Variants in USP6NL observed in about 807,000 individuals in gnomAD.
The protein encoded by USP6NL is USP6 N-terminal-like protein.
In USP6NL, 26 loss-of-function variants were observed where a neutral mutation model predicts 61.9. The observed-to-expected ratio is 0.42, with a 90% CI of 0.31 to 0.58. USP6NL has a LOEUF of 0.58. Ranked by LOEUF, USP6NL falls within the 20% of genes least tolerant of loss-of-function variation. The pLI, the probability that USP6NL is intolerant of heterozygous loss-of-function variation, is 0.16. For synonymous variants in USP6NL, 432 were observed against 390.1 expected, an observed-to-expected ratio of 1.11 and a Z score of -1.27; for missense variants, 1,114 against 1,034.3, an observed-to-expected ratio of 1.08 and a Z score of -1.06.
At chr10:11,541,638 A>G (rs1467281236) in intron 2 of USP6NL, among the ~76,000 whole-genome samples, 1 of 152,172 alleles carries the variant, frequency 6.6e-6, no homozygotes, top group Non-Finnish European at 1.5e-5. Flanking sequence ...CCTTCAAGTC[A>G]ATAGAAAGCC....
chr10:11,571,916 A>G (rs1216057962), intron 2 of USP6NL, among the ~76,000 whole-genome samples: 1 of 150,808 alleles, frequency 6.6e-6, no homozygotes, highest in African/African-American at 2.4e-5. Context: ...TCTGAGAACA[A>G]AAGCCATTCT....
chr10:11,554,154 G>C (rs61844573), intron 2 of USP6NL, among the ~76,000 whole-genome samples: 1 of 152,146 alleles, frequency 6.6e-6, no homozygotes, highest in Non-Finnish European at 1.5e-5. Context: ...GGGTGCAAGA[G>C]AGCAGAGTAC....
intron 2 of USP6NL, among the ~76,000 whole-genome samples, chr10:11,547,599 G>A (rs1268940052): frequency 1.3e-5 from 2 of 151,128 alleles, no homozygotes; most frequent in East Asian, 3.9e-4. Context: ...AAGTGCAGTG[G>A]CACGATCTCA....
In USP6NL at chr10:11,485,083, G is replaced by A; in HGVS notation, c.826-13C>T. The A allele has an allele frequency of 6.5e-7, 1 of 1,537,636 alleles. No individual in the cohort carries two copies. The highest frequency in any genetic ancestry group is 8.7e-7 in the Non-Finnish European group (1 of 1,143,294). On this transcript the variant is annotated splice_polypyrimidine_tract_variant and intron_variant, in intron 12 of 14. Coordinates refer to ENST00000609104, the MANE Select transcript of USP6NL (RefSeq NM_014688.5). This position sits in a 1 kb window ranked among gnomAD's most constrained non-coding sequence, Gnocchi z 4.8. Reference sequence around the variant, plus strand: ...GTGTAAAGGGAGTCTACAATTAAAAGCAAAACAAAACAAAAATAGGGTTAA... The same window carrying A: ...GTGTAAAGGGAGTCTACAATTAAAAACAAAACAAAACAAAAATAGGGTTAA...
intron 2 of USP6NL, among the ~76,000 whole-genome samples, chr10:11,572,445 G>GT (rs1837397158): frequency 6.6e-6 from 1 of 151,206 alleles, no homozygotes; most frequent in Admixed American, 6.6e-5. Flanking sequence ...TTTGAGATGC[G>GT]TATCTGTTCA....
In USP6NL at chr10:11,593,844, C is replaced by T. The variant is rs1272843172; in HGVS notation, c.4+3787G>A. Among the ~76,000 whole-genome samples, 5 of 152,330 alleles carry T rather than the reference C, an allele frequency of 3.3e-5. No individual in the cohort carries two copies. The Middle Eastern group carries it at 0.014, about 415-fold the overall frequency. ...GAGCCAGGTGCCTCTAAGCTCTAAA[C>T]AGCTTCTTCAGTTTATCCCACGTGA... On this transcript the variant is annotated intron_variant, in intron 2 of 14. Coordinates refer to ENST00000609104, the MANE Select transcript of USP6NL (RefSeq NM_014688.5).
chr10:11,514,070 A>G (rs1834847819), intron 5 of USP6NL, among the ~76,000 whole-genome samples: 2 of 152,250 alleles, frequency 1.3e-5, no homozygotes, highest in Admixed American at 6.5e-5. Flanking sequence ...CAGTTTCATC[A>G]TTCAGTAAAG....
intron 7 of USP6NL, among the ~76,000 whole-genome samples, chr10:11,498,449 T>G (rs1363127602): frequency 6.6e-6 from 1 of 151,658 alleles, no homozygotes; most frequent in Non-Finnish European, 1.5e-5. Context: ...CAAGACAGCT[T>G]GGATAGTAAA....
intron 1 of USP6NL, among the ~76,000 whole-genome samples, chr10:11,599,934 C>T (rs1257295756): frequency 6.6e-6 from 1 of 152,012 alleles, no homozygotes; most frequent in Non-Finnish European, 1.5e-5. Flanking sequence ...GCTAGGATTA[C>T]AGGCGCGAGG....
intron 4 of USP6NL, among the ~76,000 whole-genome samples, chr10:11,521,456 C>T (rs1045318693): frequency 1.3e-5 from 2 of 151,192 alleles, no homozygotes; most frequent in African/African-American, 4.9e-5. Context: ...TCTCCGCTCA[C>T]CGTAACCTCC....
At chr10:11,527,681 A>C (rs1042222466) in intron 2 of USP6NL, 114 bp from the exon 3 acceptor site, 59 of 894,326 alleles carry the variant, frequency 6.6e-5, no homozygotes, top group Non-Finnish European at 9.0e-5. Flanking sequence ...AAAATGACAA[A>C]TCAACAAAAT....
chr10:11,509,433 T>TA (rs2133342241), intron 6 of USP6NL, among the ~76,000 whole-genome samples, 162 bp downstream of exon 6: 1 of 152,326 alleles, frequency 6.6e-6, no homozygotes, highest in Admixed American at 6.5e-5. Flanking sequence ...TTACGTTACT[T>TA]ACAATATAAA....
chr10:11,519,993 G>A (rs1230348990), intron 4 of USP6NL, among the ~76,000 whole-genome samples: 2 of 152,138 alleles, frequency 1.3e-5, no homozygotes, highest in Non-Finnish European at 2.9e-5. Flanking sequence ...TTTCTACTCT[G>A]AGGAGTCCTT....
chr10:11,485,655 C>G lies in USP6NL; in HGVS notation c.759+162G>C, dbSNP rs1833431981. On this transcript the variant is annotated intron_variant, in intron 11 of 14. Coordinates refer to ENST00000609104, the MANE Select transcript of USP6NL (RefSeq NM_014688.5). The surrounding 1 kb of genome is among the most constrained non-coding windows in gnomAD (Gnocchi z 4.8). ...GATAGCCTGTCAATATTAAATTTTA[C>G]AAATCTAATGGTTTGTAAACAACTG... Among the ~76,000 whole-genome samples, 4 of 152,076 alleles carry G rather than the reference C, an allele frequency of 2.6e-5. No homozygotes were observed. The highest frequency in any genetic ancestry group is 2.6e-4 in the Admixed American group (4 of 15,256).
At position 11,575,155 on chromosome 10, in the gene USP6NL, T is replaced by A. The variant is rs1034927889; in HGVS notation, c.4+22476A>T. 6.6e-6 allele frequency among the ~76,000 whole-genome samples: 1 copy of A among 152,214 alleles called. No individual in the cohort carries two copies. Among genetic ancestry groups the A allele is most frequent in the Non-Finnish European group, 1.5e-5 (1 of 68,028 alleles). On this transcript the variant is annotated intron_variant, in intron 2 of 14. Transcript: ENST00000609104. The surrounding 1 kb of genome is among the most constrained non-coding windows in gnomAD (Gnocchi z 4.2). The stretch of plus-strand genomic sequence containing the variant: ...AACTAAATCAAAGTAAGAGTTCAGA[T>A]GGGTCAAAGACTAAGTTTTAAACCT...
rs763513683 is a variant in USP6NL, at chr10:11,532,137, C to T, written c.5-4570G>A. On this transcript the variant is annotated intron_variant, in intron 2 of 14. Transcript: ENST00000609104. This position sits in a 1 kb window ranked among gnomAD's most constrained non-coding sequence, Gnocchi z 4.1. ...CCTAGAGTACATTTTGACAGATGAA[C>T]GTTAAAAATATAAACAACATCAATT... The T allele has an allele frequency of 1.7e-5, 24 of 1,398,870 alleles. No homozygotes were observed. The highest frequency in any genetic ancestry group is 7.2e-5 in the African/African-American group (5 of 69,304). 86.7% of individuals were successfully genotyped at this position (1,398,870 alleles called of 1,614,324 possible). A position where few individuals can be genotyped will look rare whatever the true frequency, so the allele number is the denominator to read the frequency against.
At position 11,489,193 on chromosome 10, in the gene USP6NL, C is replaced by A; in HGVS notation, c.573G>T (p.Gln191His). 6.2e-7 allele frequency: 1 copy of A among 1,613,934 alleles called. No individual in the cohort carries two copies. Among genetic ancestry groups the A allele is most frequent in the Non-Finnish European group, 8.5e-7 (1 of 1,179,836 alleles). The change falls in exon 10 of 15, where the codon CAG becomes CAT. Residue 191 changes from glutamine to histidine, a missense_variant. Gln to His is a conservative substitution (Grantham distance 24, BLOSUM62 0). Transcript: ENST00000609104. The surrounding 1 kb of genome is among the most constrained non-coding windows in gnomAD (Gnocchi z 5.7). ...TEVGYCQGMSQITALLLMYMN... is the reference protein window; with the variant it reads ...TEVGYCQGMSHITALLLMYMN... ...TATACATGAGGAGTAAAGCTGTGAT[C>A]TGGCTCATCCCCTGACAATACCCGA...
intron 2 of USP6NL, among the ~76,000 whole-genome samples, chr10:11,534,438 G>A (rs1311923548): frequency 1.3e-5 from 2 of 152,230 alleles, no homozygotes; most frequent in Non-Finnish European, 2.9e-5. Context: ...ATTTCCAAAT[G>A]CCAACTGCGT....
At chr10:11,493,322 G>A (rs1213992175) in intron 7 of USP6NL, 94 bp from the exon 8 acceptor site, 2 of 1,125,914 alleles carry the variant, frequency 1.8e-6, no homozygotes, top group Non-Finnish European at 2.5e-6. Context: ...AAAGTTTTTG[G>A]TTTAAAAAAA....
Sources: allele counts gnomAD v4.1 joint callset (sites outside exome capture counted in the v4.1 genomes callset), GRCh38; gene constraint gnomAD v4.1.1; non-coding constraint Gnocchi (gnomAD v3.1); transcripts MANE v1.5; gene names NCBI Gene and HGNC (gene_info 2026-07-23, HGNC 2026-07-21).